Variants in MRE11 observed in about 807,000 individuals in gnomAD.
MRE11 encodes MRE11 double strand break repair nuclease, also known as double-strand break repair protein MRE11.
Under a neutral mutation model 91.7 loss-of-function variants are expected in MRE11, and 62 were observed. That is an observed-to-expected ratio of 0.68 (90% CI 0.55 to 0.84). The LOEUF is 0.84. Ranked by LOEUF, MRE11 falls within the 40% of genes least tolerant of loss-of-function variation. MRE11 has a pLI of 0.00. For synonymous variants in MRE11, 273 were observed against 271.4 expected, an observed-to-expected ratio of 1.01 and a Z score of -0.06; for missense variants, 796 against 852.9, an observed-to-expected ratio of 0.93 and a Z score of 0.83.
rs769003145 is a variant in MRE11 at position 94,419,919 on chromosome 11, G to C, written c.*206C>G. 5.7e-5 allele frequency: 24 copies of C among 423,964 alleles called. No individual in the cohort carries two copies. Among genetic ancestry groups the C allele is most frequent in the Non-Finnish European group, 9.8e-5 (23 of 233,834 alleles). The allele number at this position is 423,964 out of a possible 1,614,324, so 26.3% of individuals were successfully genotyped here. A position where few individuals can be genotyped will look rare whatever the true frequency, so the allele number is the denominator to read the frequency against. ...GCTTTATTTTAATCTTTACTCAAGA[G>C]TGATATTGAAACAAAGCTCTTACTA... On this transcript the variant is annotated 3_prime_UTR_variant, in exon 20 of 20. Coordinates refer to ENST00000323929, the MANE Select transcript of MRE11 (RefSeq NM_005591.4).
At chr11:94,501,091 C>T in the MRE11 span, among the ~76,000 whole-genome samples, 2 of 152,170 alleles carry the variant, frequency 1.3e-5, no homozygotes, top group East Asian at 3.8e-4. Context: ...GATGACCACT[C>T]AATTTGTTCA....
At chr11:94,492,942 A>T in intron 1 of MRE11, 36 bp from the exon 2 acceptor site, 1 of 767,568 alleles carries the variant, frequency 1.3e-6, no homozygotes, top group Non-Finnish European at 2.2e-6. Flanking sequence ...CACATTTTTT[A>T]AAAGCCTGCA....
At chr11:94,509,665 C>T in the MRE11 span, among the ~76,000 whole-genome samples, 1 of 152,142 alleles carries the variant, frequency 6.6e-6, no homozygotes, top group Non-Finnish European at 1.5e-5. Flanking sequence ...TGGTCTCGAT[C>T]CCTTGACCTC....
At chr11:94,459,726 G>A in intron 12 of MRE11, 145 bp from the exon 13 acceptor site, 1 of 907,760 alleles carries the variant, frequency 1.1e-6, no homozygotes, top group Non-Finnish European at 1.6e-6. Context: ...TCAGGAACCA[G>A]AAAAAGCAAA....
In MRE11 at chr11:94,464,134, T is replaced by C. The variant is rs1946496508; in HGVS notation, c.1204A>G (p.Arg402Gly). 2 of 1,613,800 alleles carry C rather than the reference T, an allele frequency of 1.2e-6. No homozygotes were observed. Among genetic ancestry groups the C allele is most frequent in the Non-Finnish European group, 1.7e-6 (2 of 1,179,896 alleles). The change falls in exon 11 of 20, where the codon AGA becomes GGA. Residue 402 changes from arginine to glycine, a missense_variant. Transcript: ENST00000323929. ...PKDIIHFFRH[R>G]EQKEKTGEEI... is the part of the protein sequence containing the mutation. ...TTACCTGTTTTTTCCTTTTGTTCTC[T>C]ATGCCTGAAAAAATGGATAATGTCT...
chr11:94,440,187 G>T (rs1261026823), intron 16 of MRE11, among the ~76,000 whole-genome samples: 1 of 152,136 alleles, frequency 6.6e-6, no homozygotes. Flanking sequence ...TTCGTATTTA[G>T]TTTATTTACA....
the MRE11 span, chr11:94,512,364 C>A: frequency 1.8e-6 from 1 of 560,638 alleles, no homozygotes. Context: ...CCCATAACTT[C>A]AGCACCTTCT....
Position 94,478,942 on chromosome 11 carries a change from A to G in MRE11, c.403-66T>C. 2.0e-6 allele frequency: 3 copies of G among 1,528,300 alleles called. No individual in the cohort carries two copies. The South Asian group carries it at 3.4e-5, about 17-fold the overall frequency. 94.7% of individuals were successfully genotyped at this position (1,528,300 alleles called of 1,614,324 possible). The stretch of plus-strand genomic sequence containing the variant: ...AAGTAGGTATCTGCATGAATATCGT[A>G]TCACCTGTTAAAAGCATACTCCATA... On this transcript the variant is annotated intron_variant, in intron 5 of 19. Transcript: ENST00000323929.
intron 16 of MRE11, among the ~76,000 whole-genome samples, chr11:94,443,278 T>A (rs1489732837): frequency 1.3e-5 from 2 of 152,216 alleles, no homozygotes; most frequent in Non-Finnish European, 2.9e-5. Context: ...AGTACAGTGG[T>A]CAACTACTGG....
intron 19 of MRE11, 147 bp from the exon 20 acceptor site, chr11:94,420,328 A>G (rs1379636681): frequency 1.6e-6 from 1 of 617,616 alleles, no homozygotes; most frequent in African/African-American, 1.8e-5. Flanking sequence ...ACTGCAAAAT[A>G]TATTAAGTAC....
At chr11:94,506,637 A>G in the MRE11 span, among the ~76,000 whole-genome samples, 1 of 149,410 alleles carries the variant, frequency 6.7e-6, no homozygotes, top group Non-Finnish European at 1.5e-5. Context: ...CATCAAGGCT[A>G]GAGTGCAGTG....
the MRE11 span, among the ~76,000 whole-genome samples, chr11:94,501,759 C>CA: frequency 1.3e-3 from 119 of 93,644 alleles, no homozygotes; most frequent in East Asian, 0.014. Context: ...TCACTTTGGG[C>CA]AAAAAAAAAA....
intron 4 of MRE11, among the ~76,000 whole-genome samples, chr11:94,480,570 C>T (rs924205836): frequency 6.6e-6 from 1 of 152,108 alleles, no homozygotes; most frequent in Non-Finnish European, 1.5e-5. Context: ...ATCTTGTTGC[C>T]CTGGTGAGTC....
intron 12 of MRE11, among the ~76,000 whole-genome samples, chr11:94,460,558 C>T (rs183014912): frequency 3.2e-4 from 48 of 152,276 alleles, no homozygotes; most frequent in Admixed American, 1.4e-3. Flanking sequence ...TAATTAAACA[C>T]TAATTTTCTT....
intron 14 of MRE11, among the ~76,000 whole-genome samples, chr11:94,449,085 G>A (rs115758154): frequency 1.6e-3 from 249 of 152,232 alleles, no homozygotes; most frequent in African/African-American, 5.6e-3. Context: ...TGGCAGTTCT[G>A]GGTCTAAGAA....
chr11:94,430,445 C>T (rs1427158624), intron 18 of MRE11, among the ~76,000 whole-genome samples: 1 of 151,738 alleles, frequency 6.6e-6, no homozygotes. Flanking sequence ...CTATTCAAAT[C>T]TCAGTTAATA....
intron 7 of MRE11, among the ~76,000 whole-genome samples, chr11:94,472,489 G>A (rs540858241): frequency 2.6e-5 from 4 of 152,174 alleles, no homozygotes; most frequent in South Asian, 2.1e-4. Flanking sequence ...TCTACTTTAT[G>A]TCAGATGTCC....
At chr11:94,454,455 C>G (rs57441252) in intron 14 of MRE11, among the ~76,000 whole-genome samples, 1 of 152,114 alleles carries the variant, frequency 6.6e-6, no homozygotes, top group South Asian at 2.1e-4. Flanking sequence ...TTAAGCATGG[C>G]GCTGGGATTC....
intron 11 of MRE11, among the ~76,000 whole-genome samples, chr11:94,461,493 G>A (rs573951581): frequency 1.3e-5 from 2 of 152,238 alleles, no homozygotes; most frequent in Non-Finnish European, 2.9e-5. Context: ...AGCTATTTAT[G>A]ACAAACCCAC....
Sources: allele counts gnomAD v4.1 joint callset (sites outside exome capture counted in the v4.1 genomes callset), GRCh38; gene constraint gnomAD v4.1.1; transcripts MANE v1.5; gene names NCBI Gene and HGNC (gene_info 2026-07-23, HGNC 2026-07-21).